Variants in C1GALT1 observed in about 807,000 individuals in gnomAD.
C1GALT1 encodes the protein core 1 synthase, glycoprotein-N-acetylgalactosamine 3-beta-galactosyltransferase 1, also known as glycoprotein-N-acetylgalactosamine 3-beta-galactosyltransferase 1.
C1GALT1 carries 11 observed loss-of-function variants against 31.0 expected under a neutral mutation model. The ratio of observed to expected loss-of-function variants is 0.36; its 90% confidence interval spans 0.22 to 0.59. The LOEUF (loss-of-function observed/expected upper bound fraction) is 0.59, where lower values mean the gene tolerates loss of function less well. C1GALT1 is among the 20% of genes least tolerant of loss of function. The pLI is 0.79. For missense variants in C1GALT1, 424 were observed against 425.2 expected (o/e 1.00, Z 0.03); for synonymous variants, 175 against 143.6 (o/e 1.22, Z -1.56).
At chr7:7,200,130 T>C (rs1002110813) in intron 1 of C1GALT1, among the ~76,000 whole-genome samples, 3 of 152,226 alleles carry the variant, frequency 2.0e-5, no homozygotes, top group Non-Finnish European at 2.9e-5. Context: ...AGTTTCTTCC[T>C]AGCAGCGATG....
At chr7:7,168,963 T>C (rs1017318488) in intron 2 of C1GALT1, among the ~76,000 whole-genome samples, 7 of 152,208 alleles carry the variant, frequency 4.6e-5, no homozygotes, top group African/African-American at 1.7e-4. Context: ...ACACCACCAC[T>C]ATCTGTTAAT....
At position 7,205,385 on chromosome 7, in the gene C1GALT1, T is replaced by C. The variant is rs543478387; in HGVS notation, c.-18+22565T>C. On this transcript the variant is annotated intron_variant, in intron 1 of 3. Transcript: ENST00000436587. ...ATATGTATTATTTACTGTGTTCTTA[T>C]GATAAACTACAGAAAATAATGTATT... Among the ~76,000 whole-genome samples, 10 of 152,334 alleles carry C rather than the reference T, an allele frequency of 6.6e-5. No individual in the cohort carries two copies. The East Asian group carries it at 7.7e-4, about 12-fold the overall frequency.
intron 2 of C1GALT1, among the ~76,000 whole-genome samples, chr7:7,176,675 T>C (rs1047400852): frequency 6.6e-6 from 1 of 152,222 alleles, no homozygotes; most frequent in African/African-American, 2.4e-5. Context: ...TCCTAGACTT[T>C]TTTTCTTTAT....
chr7:7,224,728 A>T (rs11767988), intron 1 of C1GALT1, among the ~76,000 whole-genome samples: 1 of 151,422 alleles, frequency 6.6e-6, no homozygotes, highest in African/African-American at 2.4e-5. Context: ...CTCAATCTTT[A>T]GAGGCTGTCC....
In C1GALT1 at chr7:7,238,404, G is replaced by A. The variant is rs1459946232; in HGVS notation, c.370G>A (p.Glu124Lys). The change falls in exon 3 of 4, where the codon GAA becomes AAA. Residue 124 changes from glutamate (E) to lysine (K), a missense_variant. By Grantham distance (56) the Glu-to-Lys change is moderately conservative. This residue lies in a region of C1GALT1 where 189 missense variants were observed against 158.2 expected (regional missense o/e 1.19). Coordinates refer to ENST00000436587, the MANE Select transcript of C1GALT1 (RefSeq NM_020156.5). The surrounding 1 kb of genome is among the most constrained non-coding windows in gnomAD (Gnocchi z 5.2). ...TAACAAAGTGTTGTTTATGAGTTCA[G>A]AAGAAAATAAAGACTTCCCTGCTGT... Reference protein sequence around the residue: ...RCNKVLFMSSEENKDFPAVGL... With the variant: ...RCNKVLFMSSKENKDFPAVGL... 5.0e-6 allele frequency: 8 copies of A among 1,613,910 alleles called. No homozygotes were observed. In the African/African-American group the frequency reaches 6.7e-5, roughly 13 times the overall value.
At position 7,176,770 on chromosome 7, in the gene C1GALT1, A is replaced by T. The variant is rs573608814; in HGVS notation, c.-18+19344A>T. 8.5e-5 allele frequency among the ~76,000 whole-genome samples: 13 copies of T among 152,320 alleles called. 1 individual carries two copies. In the South Asian group the frequency reaches 2.7e-3, roughly 32 times the overall value. ...CAACACCAGCCATTCCAATTGTCTC[A>T]AAATCTTGGTAAATTTTGTAAAGAT... On this transcript the variant is annotated intron_variant, in intron 2 of 3. Transcript: ENST00000429911.
At chr7:7,221,730 G>A (rs1030145206) in intron 1 of C1GALT1, among the ~76,000 whole-genome samples, 1 of 152,180 alleles carries the variant, frequency 6.6e-6, no homozygotes, top group Non-Finnish European at 1.5e-5. Flanking sequence ...TTAAACTGTA[G>A]CAGATGATGC....
chr7:7,221,464 A>T (rs1782508932), intron 1 of C1GALT1, among the ~76,000 whole-genome samples: 1 of 148,978 alleles, frequency 6.7e-6, no homozygotes, highest in Non-Finnish European at 1.5e-5. Flanking sequence ...TACCAAATTC[A>T]TTTAAATGTG....
chr7:7,201,696 A>T (rs981182647), intron 1 of C1GALT1, among the ~76,000 whole-genome samples: 4 of 152,168 alleles, frequency 2.6e-5, no homozygotes, highest in Admixed American at 2.6e-4. Context: ...GCACTGAGTT[A>T]ATTTCCAGGC....
chr7:7,165,983 T>C (rs1265091219), intron 2 of C1GALT1, among the ~76,000 whole-genome samples: 2 of 152,214 alleles, frequency 1.3e-5, no homozygotes, highest in African/African-American at 4.8e-5. Flanking sequence ...TTTCATTATG[T>C]ATATGCAAAT....
upstream of C1GALT1, among the ~76,000 whole-genome samples, chr7:7,177,546 G>T (rs999905141): frequency 7.0e-6 from 1 of 142,764 alleles, no homozygotes. Flanking sequence ...AAAAGAAAAA[G>T]GAGCCAGTGA....
chr7:7,178,016 AGT>A (rs1435134082), upstream of C1GALT1: 1 of 223,322 alleles, frequency 4.5e-6, no homozygotes, highest in Non-Finnish European at 9.6e-6. Context: ...GGCTTACCAA[AGT>A]GGTGGCTACA....
Position 7,246,883 on chromosome 7 carries a change from T to C in C1GALT1, c.*3156T>C, listed in dbSNP as rs1202602286. 1 of 152,188 alleles carries C rather than the reference T, an allele frequency of 6.6e-6. No homozygotes were observed. Among genetic ancestry groups the C allele is most frequent in the Non-Finnish European group, 1.5e-5 (1 of 68,030 alleles). 9.4% of individuals were successfully genotyped at this position (152,188 alleles called of 1,614,324 possible). ...GTCCAGGATCACACTATATTAAATA[T>C]AAAGATAACTTAAAGGATCATTGGA... is the stretch of plus-strand genomic sequence containing the variant. On this transcript the variant is annotated 3_prime_UTR_variant, in exon 4 of 4. Coordinates refer to ENST00000436587, the MANE Select transcript of C1GALT1 (RefSeq NM_020156.5).
At chr7:7,179,666 AGG>A (rs1780547787), upstream of C1GALT1, among the ~76,000 whole-genome samples, 1 of 152,208 alleles carries the variant, frequency 6.6e-6, no homozygotes, top group Admixed American at 6.5e-5. Context: ...CTTATATAGA[AGG>A]GATATAATCT....
rs149009811 is a variant in C1GALT1, at chr7:7,238,337, G to T, written c.303G>T (p.Glu101Asp). 3 of 1,613,942 alleles carry T rather than the reference G, an allele frequency of 1.9e-6. No individual in the cohort carries two copies. The highest frequency in any genetic ancestry group is 2.5e-6 in the Non-Finnish European group (3 of 1,179,984). ...CWVMTGPQNL[E>D]KKAKHVKATW... ...TTATGACCGGCCCTCAAAACCTAGA[G>T]AAAAAGGCCAAACACGTCAAAGCTA... Residue 101 changes from glutamate (E) to aspartate (D), a missense_variant, in exon 3 of 4, where the codon GAG (glutamate) becomes GAT (aspartate). Physicochemically the swap from Glu to Asp is conservative, Grantham distance 45. Coordinates refer to ENST00000436587, the MANE Select transcript of C1GALT1 (RefSeq NM_020156.5). This position sits in a 1 kb window ranked among gnomAD's most constrained non-coding sequence, Gnocchi z 5.2.
chr7:7,223,223 A>T (rs2128243421), intron 1 of C1GALT1, among the ~76,000 whole-genome samples: 1 of 152,230 alleles, frequency 6.6e-6, no homozygotes, highest in Admixed American at 6.5e-5. Context: ...CAGTGGCGCG[A>T]TCTTGGCTCA....
At chr7:7,165,618 T>A (rs1220983434) in intron 2 of C1GALT1, among the ~76,000 whole-genome samples, 2 of 152,222 alleles carry the variant, frequency 1.3e-5, no homozygotes, top group African/African-American at 4.8e-5. Flanking sequence ...CAGAAAGGCA[T>A]GTACTGCTAT....
chr7:7,197,761 C>A (rs1418349364), intron 1 of C1GALT1, among the ~76,000 whole-genome samples: 1 of 152,058 alleles, frequency 6.6e-6, no homozygotes, highest in Non-Finnish European at 1.5e-5. Context: ...CCTTCACATC[C>A]CTTGTAAGTT....
At chr7:7,198,092 A>T (rs1159497149) in intron 1 of C1GALT1, among the ~76,000 whole-genome samples, 1 of 152,192 alleles carries the variant, frequency 6.6e-6, no homozygotes, top group Non-Finnish European at 1.5e-5. Flanking sequence ...AGGGTGAGGG[A>T]GGGCATCCCT....
Sources: gnomAD v4.1 joint callset for allele counts (sites outside exome capture counted in the v4.1 genomes callset) on GRCh38, gnomAD v4.1.1 for gene constraint, gnomAD v4.1.1 regional missense constraint, Gnocchi (gnomAD v3.1) non-coding constraint, MANE v1.5 for transcripts, NCBI Gene and HGNC (gene_info 2026-07-23, HGNC 2026-07-21) for gene names.